The following TRAPPC10 variants were observed in gnomAD, a reference collection of about 807,000 sequenced individuals.
TRAPPC10 encodes TRAPP 130 kDa subunit.
TRAPPC10 carries 23 observed loss-of-function variants against 125.5 expected under a neutral mutation model. The ratio of observed to expected loss-of-function variants is 0.18; its 90% CI spans 0.13 to 0.26. The LOEUF (loss-of-function observed/expected upper bound fraction) is 0.26, where lower values mean the gene tolerates loss of function less well. TRAPPC10 is among the 10% of genes least tolerant of loss of function. The pLI, the probability that TRAPPC10 is intolerant of heterozygous loss-of-function variation, is 1.00. For missense variants in TRAPPC10, 1,123 were observed against 1,308.4 expected, an observed-to-expected ratio of 0.86 and a Z score of 2.19; for synonymous variants, 509 against 518.0, an observed-to-expected ratio of 0.98 and a Z score of 0.24.
At chr21:44,023,655 C>A (rs754270220) in intron 1 of TRAPPC10, among the ~76,000 whole-genome samples, 3 of 152,208 alleles carry the variant, frequency 2.0e-5, no homozygotes, top group East Asian at 1.9e-4. Context: ...AGCCCTGATT[C>A]CTTTTAGTGA....
Position 44,038,004 on chromosome 21 carries a change from T to C in TRAPPC10, c.285+77T>C, listed in dbSNP as rs377386127. On this transcript the variant is annotated intron_variant, in intron 3 of 22. Transcript: ENST00000291574. ...GTGGAGAGTGCTGTGTGAGTACCAG[T>C]GGGGGAAGAGGACGCGTGGTGGGGT... The C allele has an allele frequency of 1.5e-4, 228 of 1,532,366 alleles. 1 individual carries two copies. The African/African-American group carries it at 3.0e-3, about 20-fold the overall frequency. The allele number at this position is 1,532,366 out of a possible 1,614,324, so 94.9% of individuals were successfully genotyped here.
At chr21:44,085,083 C>T (rs548070429) in intron 15 of TRAPPC10, among the ~76,000 whole-genome samples, 2 of 152,310 alleles carry the variant, frequency 1.3e-5, no homozygotes, top group South Asian at 2.1e-4. Context: ...ATGAGCAACT[C>T]GACCTTCAGC....
chr21:44,075,215 A>C, intron 9 of TRAPPC10, 62 bp downstream of exon 9: 15 of 1,258,608 alleles, frequency 1.2e-5, no homozygotes, highest in Non-Finnish European at 1.5e-5. Context: ...TGTCCTTTGC[A>C]AGTTGGCACA....
At position 44,086,860 on chromosome 21, in the gene TRAPPC10, T is replaced by C. The variant is rs1242452689; in HGVS notation, c.2439T>C (p.Tyr813=). The change falls in exon 16 of 23, where the codon TAT becomes TAC. Residue 813 remains tyrosine (Y), a synonymous_variant. Transcript: ENST00000291574. The part of the protein sequence containing the change: ...RVKFTVTTGH[Y]TIKNGDSLQL... ...AGTTCACTGTCACTACCGGCCATTA[T>C]ACGATAAAGAATGGAGACAGCCTGC... 5.0e-6 allele frequency: 8 copies of C among 1,614,170 alleles called. No individual in the cohort carries two copies. The highest frequency in any genetic ancestry group is 6.8e-6 in the Non-Finnish European group (8 of 1,180,028).
chr21:44,077,817 A>C (rs2037398285), intron 11 of TRAPPC10, 33 bp downstream of exon 11: 1 of 1,498,108 alleles, frequency 6.7e-7, no homozygotes, highest in Non-Finnish European at 9.3e-7. Flanking sequence ...TTGAATTCTA[A>C]ACATACAAAT....
At chr21:44,079,962 C>T (rs1039806877) in intron 12 of TRAPPC10, 53 bp from the exon 13 acceptor site, 1 of 1,501,730 alleles carries the variant, frequency 6.7e-7, no homozygotes, top group Non-Finnish European at 9.2e-7. Context: ...CATCCACTTC[C>T]CCCCGCACTC....
intron 1 of TRAPPC10, among the ~76,000 whole-genome samples, chr21:44,028,655 T>C (rs1331496206): frequency 6.6e-6 from 1 of 152,206 alleles, no homozygotes; most frequent in Non-Finnish European, 1.5e-5. Flanking sequence ...ATTGCTCTTA[T>C]AAATTATTTT....
At chr21:44,052,216 A>G in intron 3 of TRAPPC10, 64 bp from the exon 4 acceptor site, 1 of 1,392,074 alleles carries the variant, frequency 7.2e-7, no homozygotes, top group African/African-American at 1.4e-5. Context: ...TATTAGGCAC[A>G]TTTTGCTGTA....
chr21:44,017,496 C>T (rs2032002722), intron 1 of TRAPPC10, among the ~76,000 whole-genome samples: 1 of 151,752 alleles, frequency 6.6e-6, no homozygotes. Context: ...TTTTTCATGG[C>T]ATCTCTAGGC....
At chr21:44,056,094 C>T (rs1403217397) in intron 5 of TRAPPC10, among the ~76,000 whole-genome samples, 1 of 152,180 alleles carries the variant, frequency 6.6e-6, no homozygotes, top group Non-Finnish European at 1.5e-5. Flanking sequence ...AGGACACACA[C>T]ACTGCCCCGG....
At chr21:44,092,144 G>C in intron 19 of TRAPPC10, 95 bp downstream of exon 19, 1 of 1,489,378 alleles carries the variant, frequency 6.7e-7, no homozygotes, top group Non-Finnish European at 9.1e-7. Context: ...CCTTTAGATA[G>C]AACAGCTGCA....
chr21:44,018,576 G>A (rs1467621440), intron 1 of TRAPPC10, among the ~76,000 whole-genome samples: 1 of 151,974 alleles, frequency 6.6e-6, no homozygotes, highest in African/African-American at 2.4e-5. Context: ...GCTCGCGTCT[G>A]TAGTCCCAGC....
At position 44,086,845 on chromosome 21, in the gene TRAPPC10, C is replaced by G; in HGVS notation, c.2424C>G (p.Val808=). Residue 808 remains valine, a synonymous_variant, in exon 16 of 23, where the codon GTC becomes GTG. Coordinates refer to ENST00000291574, the MANE Select transcript of TRAPPC10 (RefSeq NM_003274.5). ...TTCCTCAGAGAGTCAAGTTCACTGT[C>G]ACTACCGGCCATTATACGATAAAGA... is the stretch of plus-strand genomic sequence containing the variant. ...AGIPQRVKFT[V]TTGHYTIKNG... 6.2e-7 allele frequency: 1 copy of G among 1,614,186 alleles called. No homozygotes were observed. The highest frequency in any genetic ancestry group is 8.5e-7 in the Non-Finnish European group (1 of 1,180,026).
At chr21:44,066,436 G>C (rs1029162887) in intron 7 of TRAPPC10, among the ~76,000 whole-genome samples, 1 of 152,228 alleles carries the variant, frequency 6.6e-6, no homozygotes, top group African/African-American at 2.4e-5. Flanking sequence ...TGCACAGCTG[G>C]CTGCTGGGGT....
intron 1 of TRAPPC10, among the ~76,000 whole-genome samples, chr21:44,013,306 C>T (rs2031391085): frequency 1.3e-5 from 2 of 152,198 alleles, no homozygotes; most frequent in African/African-American, 4.8e-5. Context: ...AGAAGTGTGA[C>T]TCTCCAGAGT....
intron 1 of TRAPPC10, among the ~76,000 whole-genome samples, chr21:44,027,986 AGTTTATT>A: frequency 6.6e-6 from 1 of 152,282 alleles, no homozygotes; most frequent in South Asian, 2.1e-4. Context: ...AAGCCATCCT[AGTTTATT>A]GTATGTTGTT....
chr21:44,085,859 G>A (rs2038090570), intron 15 of TRAPPC10, among the ~76,000 whole-genome samples: 2 of 152,332 alleles, frequency 1.3e-5, no homozygotes, highest in South Asian at 4.1e-4. Context: ...TGTGGCAGCT[G>A]AACAAGAGTG....
At chr21:44,091,552 G>T (rs2038580667) in intron 18 of TRAPPC10, among the ~76,000 whole-genome samples, 1 of 152,138 alleles carries the variant, frequency 6.6e-6, no homozygotes, top group Admixed American at 6.5e-5. Flanking sequence ...CAATGCTCGT[G>T]CCTCAGCCTC....
chr21:44,045,440 T>A (rs1004675834), intron 3 of TRAPPC10, among the ~76,000 whole-genome samples: 3 of 152,234 alleles, frequency 2.0e-5, no homozygotes, highest in Non-Finnish European at 4.4e-5. Context: ...AATTTTTTTT[T>A]AAAGATGTTT....
Sources: gnomAD v4.1 joint callset for allele counts (sites outside exome capture counted in the v4.1 genomes callset) on GRCh38, gnomAD v4.1.1 for gene constraint, MANE v1.5 for transcripts, NCBI Gene and HGNC (gene_info 2026-07-23, HGNC 2026-07-21) for gene names.